Variants in PTPN18 observed in about 807,000 individuals in gnomAD.
PTPN18 encodes protein tyrosine phosphatase non-receptor type 18, also known as tyrosine-protein phosphatase non-receptor type 18.
In PTPN18, 65 loss-of-function variants were observed where a neutral mutation model predicts 65.4. That is an observed-to-expected ratio of 0.99 (90% CI 0.81 to 1.22). The LOEUF (loss-of-function observed/expected upper bound fraction) is 1.22, where lower values mean the gene tolerates loss of function less well. Ranked by LOEUF, PTPN18 falls within the 50% of genes most tolerant of loss-of-function variation. The pLI, the probability that PTPN18 is intolerant of heterozygous loss-of-function variation, is 0.00. For missense variants in PTPN18, 616 were observed against 646.5 expected, an observed-to-expected ratio of 0.95 and a Z score of 0.51; for synonymous variants, 255 against 267.8, an observed-to-expected ratio of 0.95 and a Z score of 0.47.
rs1680075471 is a variant in PTPN18, at chr2:130,358,721, G to A, written c.94-146G>A. The A allele has an allele frequency of 4.6e-6, 3 of 645,170 alleles. No individual in the cohort carries two copies. In the South Asian group the frequency reaches 5.7e-5, roughly 12 times the overall value. 40.0% of individuals were successfully genotyped at this position (645,170 alleles called of 1,614,324 possible). A position where few individuals can be genotyped will look rare whatever the true frequency, so the allele number is the denominator to read the frequency against. On this transcript the variant is annotated intron_variant, in intron 1 of 14. Coordinates refer to ENST00000175756, the MANE Select transcript of PTPN18 (RefSeq NM_014369.4). ...CACTATTTCGGTATCATTATTATTA[G>A]GCAGGCCCAGTGCCATCAGGGTCTG... is the stretch of plus-strand genomic sequence containing the variant.
chr2:130,372,800 C>T (rs1680618741), intron 13 of PTPN18, 73 bp from the exon 14 acceptor site: 1 of 1,555,184 alleles, frequency 6.4e-7, no homozygotes, highest in Admixed American at 1.7e-5. Context: ...GGGGAAGCGT[C>T]CCCGCTAGGG....
At position 130,373,771 on chromosome 2, in the gene PTPN18, G is replaced by A. The variant is rs910266865; in HGVS notation, c.*547G>A. 3.9e-5 allele frequency: 6 copies of A among 153,032 alleles called. No homozygotes were observed. The highest frequency in any genetic ancestry group is 2.6e-4 in the Admixed American group (4 of 15,284). 9.5% of individuals were successfully genotyped at this position (153,032 alleles called of 1,614,324 possible). A position where few individuals can be genotyped will look rare whatever the true frequency, so the allele number is the denominator to read the frequency against. On this transcript the variant is annotated 3_prime_UTR_variant, in exon 15 of 15. Transcript: ENST00000175756. The surrounding 1 kb of genome is among the most constrained non-coding windows in gnomAD (Gnocchi z 4.1). ...GCTTCAGAGATACAGTCCACAGGTG[G>A]ACAAAGGGATCCCCAGCCAGAGAGA...
At chr2:130,359,198 C>A (rs775503792) in intron 2 of PTPN18, 35 bp from the exon 3 acceptor site, 14 of 1,612,256 alleles carry the variant, frequency 8.7e-6, no homozygotes, top group Non-Finnish European at 1.2e-5. Context: ...CCTATCCTAC[C>A]CAAACTCCAC....
chr2:130,366,744 TAGC>T (rs1216690938), intron 5 of PTPN18, among the ~76,000 whole-genome samples: 1 of 152,218 alleles, frequency 6.6e-6, no homozygotes, highest in Non-Finnish European at 1.5e-5. Flanking sequence ...CTTTTACATT[TAGC>T]CACTTACTTT....
At chr2:130,368,280 T>A (rs972430344) in intron 5 of PTPN18, among the ~76,000 whole-genome samples, 1 of 152,230 alleles carries the variant, frequency 6.6e-6, no homozygotes, top group Non-Finnish European at 1.5e-5. Context: ...AAAATTTTAT[T>A]GGATGCTTGA....
At chr2:130,359,794 G>C (rs911561184) in intron 5 of PTPN18, 148 bp downstream of exon 5, 1 of 994,068 alleles carries the variant, frequency 1.0e-6, no homozygotes, top group South Asian at 1.6e-5. Context: ...GTTCCTCTAA[G>C]TTTTTGTTGA....
chr2:130,360,424 T>C (rs1573857472), intron 5 of PTPN18, among the ~76,000 whole-genome samples: 1 of 152,182 alleles, frequency 6.6e-6, no homozygotes, highest in Admixed American at 6.5e-5. Flanking sequence ...GGGGTAGGGG[T>C]TCCCTGGGGT....
chr2:130,370,783 G>A lies in PTPN18; in HGVS notation c.834+1G>A, dbSNP rs2104950641. ...GCGGCCTGCGGCCGTGCAGACAGAG[G>A]TGAACCCTGGGTCTCCTAATCTTCA... On this transcript the variant is annotated splice_donor_variant, in intron 10 of 14. Coordinates refer to ENST00000175756, the MANE Select transcript of PTPN18 (RefSeq NM_014369.4). LOFTEE classifies it high-confidence loss of function. 6.2e-7 allele frequency: 1 copy of A among 1,613,998 alleles called. No individual in the cohort carries two copies. Among genetic ancestry groups the A allele is most frequent in the Non-Finnish European group, 8.5e-7 (1 of 1,179,866 alleles).
Position 130,356,193 on chromosome 2 carries a change from A to C in PTPN18, c.86A>C (p.Glu29Ala). The stretch of plus-strand genomic sequence containing the variant: ...CGGGAGGGGGCAGTCCTCGCCGGCG[A>C]GTTCAGCGTGAGTGGCACACGGGGT... The part of the protein sequence containing the change: ...GGREGAVLAG[E>A]FSDIQACSAA... Residue 29 changes from glutamate (E) to alanine (A), a missense_variant, in exon 1 of 15, where the codon GAG becomes GCG. Glu to Ala is a moderately radical substitution (Grantham distance 107). Coordinates refer to ENST00000175756, the MANE Select transcript of PTPN18 (RefSeq NM_014369.4). 1 of 1,315,052 alleles carries C rather than the reference A, an allele frequency of 7.6e-7. No homozygotes were observed. The highest frequency in any genetic ancestry group is 2.1e-5 in the South Asian group (1 of 47,736). 81.5% of individuals were successfully genotyped at this position (1,315,052 alleles called of 1,614,324 possible).
rs1314223599 is a variant in PTPN18 at position 130,374,515 on chromosome 2, A to G, written c.*1291A>G. The G allele has an allele frequency of 1.7e-5, 7 of 412,508 alleles. No homozygotes were observed. Among genetic ancestry groups the G allele is most frequent in the African/African-American group, 8.2e-5 (4 of 48,864 alleles). 25.6% of individuals were successfully genotyped at this position (412,508 alleles called of 1,614,324 possible). A position where few individuals can be genotyped will look rare whatever the true frequency, so the allele number is the denominator to read the frequency against. ...AATGGCCCATGGTAGGGTTCCTGCT[A>G]GGATAAAACATTAAGCGGCTGTTAA... On this transcript the variant is annotated 3_prime_UTR_variant, in exon 15 of 15. Coordinates refer to ENST00000175756, the MANE Select transcript of PTPN18 (RefSeq NM_014369.4).
In PTPN18 at chr2:130,370,759, C is replaced by T. The variant is rs369124974; in HGVS notation, c.811C>T (p.Arg271Trp). ...TGTGGTCCTTAAGATGAGGAAGCAG[C>T]GGCCTGCGGCCGTGCAGACAGAGGT... ...FDVVLKMRKQ[R>W]PAAVQTEEQY... Residue 271 changes from arginine to tryptophan, a missense_variant, in exon 10 of 15, where the codon CGG (arginine) becomes TGG (tryptophan). Physicochemically the swap from Arg to Trp is moderately radical, Grantham distance 101. Around this residue, in one of 3 missense-constraint regions of PTPN18, gnomAD observed 368 missense variants for 386.7 expected, o/e 0.95. Transcript: ENST00000175756. The T allele has an allele frequency of 1.7e-4, 270 of 1,614,062 alleles. No homozygotes were observed. The highest frequency in any genetic ancestry group is 2.2e-4 in the Non-Finnish European group (256 of 1,180,000).
Position 130,370,620 on chromosome 2 carries a change from C to G in PTPN18, c.753C>G (p.Thr251=). 6.2e-7 allele frequency: 1 copy of G among 1,614,138 alleles called. No homozygotes were observed. Among genetic ancestry groups the G allele is most frequent in the Non-Finnish European group, 8.5e-7 (1 of 1,180,032 alleles). The stretch of plus-strand genomic sequence containing the variant: ...ATTATGTGAGGCAGCTGCTCCTGAC[C>G]CAGGTACGATACAGGCATCCTGTGT... ...TVDYVRQLLL[T]QMIPPDFSLF... is the part of the protein sequence containing the mutation. Residue 251 remains threonine (T), a synonymous_variant, in exon 9 of 15, where the codon ACC becomes ACG. Transcript: ENST00000175756.
At position 130,374,597 on chromosome 2, in the gene PTPN18, C is replaced by A; in HGVS notation, c.*1373C>A. ...CTGGTGTGGACAAATCTCCAAGTCACTGCAAAATGGAAAAAGTATAAGATG... is the reference window on the plus strand; with the variant it reads ...CTGGTGTGGACAAATCTCCAAGTCAATGCAAAATGGAAAAAGTATAAGATG... On this transcript the variant is annotated 3_prime_UTR_variant, in exon 15 of 15. Coordinates refer to ENST00000175756, the MANE Select transcript of PTPN18 (RefSeq NM_014369.4). 2 of 471,012 alleles carry A rather than the reference C, an allele frequency of 4.2e-6. No homozygotes were observed. The highest frequency in any genetic ancestry group is 3.1e-5 in the South Asian group (2 of 64,552). 29.2% of individuals were successfully genotyped at this position (471,012 alleles called of 1,614,324 possible).
Position 130,372,903 on chromosome 2 carries a change from G to T in PTPN18, c.1271G>T (p.Gly424Val), listed in dbSNP as rs1019102794. 2 of 1,614,088 alleles carry T rather than the reference G, an allele frequency of 1.2e-6. No homozygotes were observed. The highest frequency in any genetic ancestry group is 1.7e-6 in the Non-Finnish European group (2 of 1,180,022). Residue 424 changes from glycine to valine, a missense_variant, in exon 14 of 15, where the codon GGC becomes GTC. By Grantham distance (109) the Gly-to-Val change is moderately radical. Coordinates refer to ENST00000175756, the MANE Select transcript of PTPN18 (RefSeq NM_014369.4). ...GCTGACCAAAGTCCTGCCGGATCTG[G>T]CGCCTACGAGGACGTGGCGGGTGGA... is the stretch of plus-strand genomic sequence containing the variant. ...VPADQSPAGS[G>V]AYEDVAGGAQ... is the part of the protein sequence containing the mutation.
At chr2:130,360,548 C>CT (rs1327267328) in intron 5 of PTPN18, among the ~76,000 whole-genome samples, 2 of 152,090 alleles carry the variant, frequency 1.3e-5, no homozygotes, top group Non-Finnish European at 2.9e-5. Context: ...TTCGCTATCT[C>CT]TTTTTTCATG....
chr2:130,370,205 C>A lies in PTPN18; in HGVS notation c.689+15C>A. 1 of 1,608,244 alleles carries A rather than the reference C, an allele frequency of 6.2e-7. No individual in the cohort carries two copies. On this transcript the variant is annotated intron_variant, in intron 8 of 14. Coordinates refer to ENST00000175756, the MANE Select transcript of PTPN18 (RefSeq NM_014369.4). Reference sequence around the variant, plus strand: ...GTCCACTGCAGGTTTTGGAAATGGGCTTCAGGAGGGTCTGGTGAGGCAGAG... The same window carrying A: ...GTCCACTGCAGGTTTTGGAAATGGGATTCAGGAGGGTCTGGTGAGGCAGAG...
intron 5 of PTPN18, among the ~76,000 whole-genome samples, chr2:130,361,360 A>G (rs1254362644): frequency 6.6e-6 from 1 of 152,142 alleles, no homozygotes; most frequent in Non-Finnish European, 1.5e-5. Context: ...TCATGTTTTA[A>G]AACTTTATGA....
At position 130,359,159 on chromosome 2, in the gene PTPN18, AGCTAGGGG is replaced by A. The variant is rs1680101796; in HGVS notation, c.203-70_203-63del. The A allele has an allele frequency of 3.8e-6, 6 of 1,570,904 alleles. No individual in the cohort carries two copies. The Admixed American group carries it at 1.0e-4, about 26-fold the overall frequency. ...TGTGTGTGGTCCCCTGCTGGCTTTC[AGCTAGGGG>A]GCTGTCAGAGGCTCCGTCACCCTAT... On this transcript the variant is annotated intron_variant, in intron 2 of 14. Coordinates refer to ENST00000175756, the MANE Select transcript of PTPN18 (RefSeq NM_014369.4).
chr2:130,360,878 C>T (rs1680170843), intron 5 of PTPN18, among the ~76,000 whole-genome samples: 1 of 151,282 alleles, frequency 6.6e-6, no homozygotes, highest in South Asian at 2.1e-4. Context: ...GTTGCCCAGA[C>T]TGGAGTGCAG....
Sources: gnomAD v4.1 joint callset for allele counts (sites outside exome capture counted in the v4.1 genomes callset) on GRCh38, gnomAD v4.1.1 for gene constraint, gnomAD v4.1.1 regional missense constraint, Gnocchi (gnomAD v3.1) non-coding constraint, MANE v1.5 for transcripts, NCBI Gene and HGNC (gene_info 2026-07-23, HGNC 2026-07-21) for gene names.